PBX3: variants seen among roughly 807,000 people sequenced by gnomAD.
The protein encoded by PBX3 is pre-B-cell leukemia transcription factor 3.
A neutral mutation model predicts 48.5 loss-of-function variants in PBX3; 14 were observed. That is an observed-to-expected ratio of 0.29 (90% CI 0.19 to 0.45). PBX3 has a LOEUF of 0.45. Ranked by LOEUF, PBX3 falls within the 20% of genes least tolerant of loss-of-function variation. PBX3 has a pLI of 1.00. For synonymous variants in PBX3, 210 were observed against 200.3 expected (o/e 1.05, Z -0.41); for missense variants, 386 against 546.7 (o/e 0.71, Z 2.93).
At chr9:125,877,740 C>G (rs1276562135) in intron 2 of PBX3, among the ~76,000 whole-genome samples, 1 of 152,144 alleles carries the variant, frequency 6.6e-6, no homozygotes, top group East Asian at 1.9e-4. Flanking sequence ...GCCCTTGTTA[C>G]TTTAGATTTG....
intron 5 of PBX3, among the ~76,000 whole-genome samples, chr9:125,942,227 A>T (rs1658516378): frequency 6.6e-6 from 1 of 152,204 alleles, no homozygotes; most frequent in African/African-American, 2.4e-5. Flanking sequence ...TCTTAATAAA[A>T]GGGGAGAAAC....
At chr9:125,888,507 A>T (rs750670140) in intron 2 of PBX3, among the ~76,000 whole-genome samples, 3 of 151,838 alleles carry the variant, frequency 2.0e-5, no homozygotes, top group Non-Finnish European at 4.4e-5. Flanking sequence ...TACCAGAAAC[A>T]GATGCTCTCA....
rs76294184 is a variant in PBX3, at chr9:125,822,322, C to T, written c.274+73699C>T. ...TTTAAAAGAATGGACTTTGTCTGTT[C>T]TATTGCCCATTTGGCATTGGGGATA... On this transcript the variant is annotated intron_variant, in intron 2 of 8. Transcript: ENST00000373489. 5.2e-4 allele frequency among the ~76,000 whole-genome samples: 79 copies of T among 152,224 alleles called. 5 individuals carry two copies. The East Asian group carries it at 0.015, about 29-fold the overall frequency.
At chr9:125,835,015 C>CAAAAAA (rs745638368) in intron 2 of PBX3, among the ~76,000 whole-genome samples, 1 of 25,170 alleles carries the variant, frequency 4.0e-5, no homozygotes, top group Non-Finnish European at 7.1e-5. Flanking sequence ...AACTCTGTCT[C>CAAAAAA]AAAAAAAAAA....
chr9:125,784,424 C>T (rs1837407602), intron 2 of PBX3, among the ~76,000 whole-genome samples: 1 of 152,194 alleles, frequency 6.6e-6, no homozygotes, highest in Non-Finnish European at 1.5e-5. Flanking sequence ...CCACCGCACC[C>T]AGCCAGGTTT....
chr9:125,880,373 A>G (rs993266782), intron 2 of PBX3, among the ~76,000 whole-genome samples: 1 of 152,208 alleles, frequency 6.6e-6, no homozygotes, highest in East Asian at 1.9e-4. Context: ...TCAGGTCGCT[A>G]TAACAGACAT....
At chr9:125,939,682 G>T (rs1056013039) in intron 5 of PBX3, among the ~76,000 whole-genome samples, 2 of 152,050 alleles carry the variant, frequency 1.3e-5, no homozygotes, top group African/African-American at 2.4e-5. Context: ...ATTTGTCCAC[G>T]GACTGGAGAA....
chr9:125,819,923 C>T (rs970171935), intron 2 of PBX3, among the ~76,000 whole-genome samples: 1 of 151,706 alleles, frequency 6.6e-6, no homozygotes, highest in African/African-American at 2.4e-5. Flanking sequence ...TTTGTATTTC[C>T]CATGTAAATT....
rs1042247302 is a variant in PBX3, at chr9:125,967,110, G to A, written c.*1187G>A. 6.7e-6 allele frequency: 1 copy of A among 148,474 alleles called. No homozygotes were observed. Among genetic ancestry groups the A allele is most frequent in the Non-Finnish European group, 1.5e-5 (1 of 67,460 alleles). 9.2% of individuals were successfully genotyped at this position (148,474 alleles called of 1,614,324 possible). ...ATGCAAAAAAAAAAAAAAAAGCAGCGACTAATTGTGATGCATTCAGATTTC... is the reference window on the plus strand; with the variant it reads ...ATGCAAAAAAAAAAAAAAAAGCAGCAACTAATTGTGATGCATTCAGATTTC... On this transcript the variant is annotated 3_prime_UTR_variant, in exon 9 of 9. Transcript: ENST00000373489.
intron 2 of PBX3, among the ~76,000 whole-genome samples, chr9:125,816,594 G>A (rs1016558358): frequency 3.9e-5 from 6 of 152,166 alleles, no homozygotes; most frequent in African/African-American, 1.4e-4. Flanking sequence ...AGGGATTTAC[G>A]GATGGTCACT....
intron 2 of PBX3, among the ~76,000 whole-genome samples, chr9:125,764,243 G>A (rs1353891932): frequency 6.6e-6 from 1 of 152,194 alleles, no homozygotes; most frequent in African/African-American, 2.4e-5. Flanking sequence ...CTTGTCAGCA[G>A]CTTTCTTAGC....
chr9:125,929,947 CAT>C (rs1841679031), intron 4 of PBX3, 102 bp downstream of exon 4: 1 of 851,916 alleles, frequency 1.2e-6, no homozygotes, highest in Non-Finnish European at 1.9e-6. Context: ...TTCTTTTGGC[CAT>C]ATGAGTCTTT....
chr9:125,906,846 G>GGATGC (rs1336383224), intron 2 of PBX3, among the ~76,000 whole-genome samples: 1 of 151,932 alleles, frequency 6.6e-6, no homozygotes, highest in Non-Finnish European at 1.5e-5. Flanking sequence ...CTAATTGAGA[G>GGATGC]GATGCATAGC....
intron 2 of PBX3, among the ~76,000 whole-genome samples, chr9:125,901,054 T>C (rs1330096921): frequency 6.6e-6 from 1 of 151,796 alleles, no homozygotes; most frequent in African/African-American, 2.4e-5. Flanking sequence ...TTAAAGGTTA[T>C]TTGACACTAT....
chr9:125,762,722 C>T (rs745308745), intron 2 of PBX3, among the ~76,000 whole-genome samples: 2 of 152,138 alleles, frequency 1.3e-5, no homozygotes, highest in African/African-American at 2.4e-5. Context: ...GCAGTAGCAT[C>T]GACAGATCCA....
intron 4 of PBX3, 55 bp from the exon 5 acceptor site, chr9:125,935,417 C>G: frequency 6.5e-7 from 1 of 1,543,586 alleles, no homozygotes; most frequent in Non-Finnish European, 8.9e-7. Flanking sequence ...TAACCCATCC[C>G]TCTTAGGTTA....
chr9:125,803,041 A>G (rs906802747), intron 2 of PBX3, among the ~76,000 whole-genome samples: 2 of 151,070 alleles, frequency 1.3e-5, no homozygotes, highest in Non-Finnish European at 2.9e-5. Context: ...TATTAAAATC[A>G]GGAATTTATT....
rs2131936864 is a variant in PBX3, at chr9:125,748,264, G to GC, written c.201-281dup. The GC allele has an allele frequency of 7.5e-6, 8 of 1,064,934 alleles. No homozygotes were observed. The South Asian group carries it at 2.4e-4, about 31-fold the overall frequency. 66.0% of individuals were successfully genotyped at this position (1,064,934 alleles called of 1,614,324 possible). On this transcript the variant is annotated intron_variant, in intron 1 of 8. Transcript: ENST00000373489. The stretch of plus-strand genomic sequence containing the variant: ...CCCCTCCCCCGGGTCGCCTTCGCCT[G>GC]CCCCCGGGGCGAGGCTCCCCGCGCG...
In PBX3 at chr9:125,759,568, G is replaced by C. The variant is rs1356143003; in HGVS notation, c.274+10945G>C. On this transcript the variant is annotated intron_variant, in intron 2 of 8. Transcript: ENST00000373489. This position sits in a 1 kb window ranked among gnomAD's most constrained non-coding sequence, Gnocchi z 4.2. ...ACATATGCTTCTAATTGTTGATTTG[G>C]GGATTTTCTATGAATATAGCTTCAC... is the stretch of plus-strand genomic sequence containing the variant. 6.6e-6 allele frequency among the ~76,000 whole-genome samples: 1 copy of C among 152,182 alleles called. No individual in the cohort carries two copies. Among genetic ancestry groups the C allele is most frequent in the African/African-American group, 2.4e-5 (1 of 41,440 alleles).
Sources: gnomAD v4.1 joint callset for allele counts (sites outside exome capture counted in the v4.1 genomes callset) on GRCh38, gnomAD v4.1.1 for gene constraint, Gnocchi (gnomAD v3.1) non-coding constraint, MANE v1.5 for transcripts, NCBI Gene and HGNC (gene_info 2026-07-23, HGNC 2026-07-21) for gene names.